Variants in GNA12 observed in about 807,000 individuals in gnomAD.
GNA12 encodes guanine nucleotide-binding protein subunit alpha-12.
Under a neutral mutation model 26.0 loss-of-function variants are expected in GNA12, and 9 were observed. The observed-to-expected ratio is 0.35, with a 90% CI of 0.21 to 0.60. The LOEUF (loss-of-function observed/expected upper bound fraction) is 0.60. Ranked by LOEUF, GNA12 falls within the 20% of genes least tolerant of loss-of-function variation. The pLI is 0.78. For missense variants in GNA12, 405 were observed against 525.8 expected, an observed-to-expected ratio of 0.77 and a Z score of 2.25; for synonymous variants, 264 against 219.6, an observed-to-expected ratio of 1.20 and a Z score of -1.79.
Position 2,843,993 on chromosome 7 carries a change from G to C in GNA12, c.169C>G (p.Leu57Val). The C allele has an allele frequency of 6.4e-7, 1 of 1,556,858 alleles. No individual in the cohort carries two copies. Among genetic ancestry groups the C allele is most frequent in the Middle Eastern group, 2.2e-4 (1 of 4,526 alleles). Residue 57 changes from leucine (L) to valine (V), a missense_variant, in exon 1 of 4, where the codon CTG becomes GTG. Physicochemically the swap from Leu to Val is conservative, Grantham distance 32. Coordinates refer to ENST00000275364, the MANE Select transcript of GNA12 (RefSeq NM_007353.3). ...LARERRAVRR[L>V]VKILLLGAGE... ...GCGCCCAGCAGCAGGATCTTCACCAGGCGCCGGACCGCGCGCCGCTCGCGG... is the reference window on the plus strand; with the variant it reads ...GCGCCCAGCAGCAGGATCTTCACCACGCGCCGGACCGCGCGCCGCTCGCGG...
intron 1 of GNA12, among the ~76,000 whole-genome samples, chr7:2,817,059 C>A (rs761408151): frequency 1.7e-4 from 26 of 152,208 alleles, no homozygotes; most frequent in Non-Finnish European, 1.9e-4. Context: ...GTCAGTTCAA[C>A]TCTCTACTTA....
intron 1 of GNA12, among the ~76,000 whole-genome samples, chr7:2,818,037 G>C (rs1015113763): frequency 6.6e-6 from 1 of 152,202 alleles, no homozygotes; most frequent in Non-Finnish European, 1.5e-5. Context: ...AATGTTTCAA[G>C]TGGGACTGTA....
chr7:2,812,247 A>G (rs1165516173), intron 1 of GNA12, among the ~76,000 whole-genome samples: 1 of 152,248 alleles, frequency 6.6e-6, no homozygotes, highest in Admixed American at 6.5e-5. Flanking sequence ...ATTATGGTAA[A>G]TAACTCAATG....
At chr7:2,821,625 G>C (rs1171984229) in intron 1 of GNA12, among the ~76,000 whole-genome samples, 1 of 152,160 alleles carries the variant, frequency 6.6e-6, no homozygotes, top group Non-Finnish European at 1.5e-5. Context: ...AGAAACTCCT[G>C]CAGTTATTCT....
chr7:2,785,549 C>T (rs1730965700), intron 2 of GNA12, among the ~76,000 whole-genome samples: 2 of 152,204 alleles, frequency 1.3e-5, no homozygotes, highest in South Asian at 4.1e-4. Flanking sequence ...TGAAATAACT[C>T]TATTTTCTCT....
At chr7:2,746,734 G>T (rs1362074568) in intron 2 of GNA12, among the ~76,000 whole-genome samples, 19 of 152,064 alleles carry the variant, frequency 1.2e-4, no homozygotes, top group African/African-American at 4.6e-4. Flanking sequence ...CCAGGAGCTG[G>T]TTTTTTGAAA....
rs1265709948 is a variant in GNA12, at chr7:2,844,136, C to A, written c.26G>T (p.Ser9Ile). ...GGCCTCGGCCGGCAGCAGGCAGCGG[C>A]TGAGGGTCCGCACCACCCCGGACAT... MSGVVRTLSRCLLPAEAGG... is the reference protein window; with the variant it reads MSGVVRTLIRCLLPAEAGG... The change falls in exon 1 of 4, where the codon AGC (serine) becomes ATC (isoleucine). Residue 9 changes from serine to isoleucine, a missense_variant. Ser to Ile is a moderately radical substitution (Grantham distance 142). Transcript: ENST00000275364. 33 of 986,876 alleles carry A rather than the reference C, an allele frequency of 3.3e-5. No individual in the cohort carries two copies. Among genetic ancestry groups the A allele is most frequent in the Non-Finnish European group, 4.0e-5 (33 of 832,792 alleles). The allele number at this position is 986,876 out of a possible 1,614,324, so 61.1% of individuals were successfully genotyped here. A position where few individuals can be genotyped will look rare whatever the true frequency, so the allele number is the denominator to read the frequency against.
At chr7:2,831,951 C>G (rs1392627405) in intron 1 of GNA12, among the ~76,000 whole-genome samples, 1 of 152,196 alleles carries the variant, frequency 6.6e-6, no homozygotes, top group Non-Finnish European at 1.5e-5. Context: ...GCCTGGAATA[C>G]TGTGTATCTT....
intron 2 of GNA12, among the ~76,000 whole-genome samples, chr7:2,783,644 T>C (rs569828039): frequency 8.1e-5 from 12 of 148,080 alleles, no homozygotes; most frequent in African/African-American, 1.3e-4. Context: ...TTAGAGGCTG[T>C]AACACATTTA....
intron 2 of GNA12, among the ~76,000 whole-genome samples, chr7:2,780,051 C>CATACATATATATAT (rs1554259630): frequency 9.6e-5 from 6 of 62,206 alleles, no homozygotes; most frequent in African/African-American, 3.4e-4. Context: ...TTTCTGTGTA[C>CATACATATATATAT]ATATATATAT....
At chr7:2,741,496 C>T (rs1231385171) in intron 2 of GNA12, among the ~76,000 whole-genome samples, 2 of 152,188 alleles carry the variant, frequency 1.3e-5, no homozygotes, top group Admixed American at 6.6e-5. Context: ...TGTTAGCTTT[C>T]TACTTTTTGG....
At chr7:2,814,224 ATGTATCCTGT>A (rs1316363330) in intron 1 of GNA12, 2 of 769,490 alleles carry the variant, frequency 2.6e-6, no homozygotes, top group Non-Finnish European at 4.7e-6. Context: ...TTATACATCT[ATGTATCCTGT>A]TGGCTGTGCT....
In GNA12 at chr7:2,752,009, G is replaced by T. The variant is rs145313050; in HGVS notation, c.526-18508C>A. Reference sequence around the variant, plus strand: ...ATTTCCAACTCCTTTTATGAGGCCAGCATCATCCTGGTACCCACACCGACA... The same window carrying T: ...ATTTCCAACTCCTTTTATGAGGCCATCATCATCCTGGTACCCACACCGACA... On this transcript the variant is annotated intron_variant, in intron 2 of 3. Coordinates refer to ENST00000275364, the MANE Select transcript of GNA12 (RefSeq NM_007353.3). 1.5e-4 allele frequency among the ~76,000 whole-genome samples: 23 copies of T among 152,212 alleles called. No homozygotes were observed. In the East Asian group the frequency reaches 3.9e-3, roughly 26 times the overall value.
At chr7:2,807,620 G>C (rs766974983) in intron 1 of GNA12, among the ~76,000 whole-genome samples, 14 of 151,640 alleles carry the variant, frequency 9.2e-5, no homozygotes, top group Non-Finnish European at 1.6e-4. Flanking sequence ...TAACACAGCA[G>C]CTTGCTCACT....
intron 2 of GNA12, among the ~76,000 whole-genome samples, chr7:2,759,017 G>A (rs1192199129): frequency 6.6e-6 from 1 of 151,926 alleles, no homozygotes; most frequent in East Asian, 1.9e-4. Context: ...GTGGGCGCCT[G>A]TAATCCCAGC....
chr7:2,746,791 AAG>A (rs1443114828), intron 2 of GNA12, among the ~76,000 whole-genome samples: 1 of 152,230 alleles, frequency 6.6e-6, no homozygotes, highest in African/African-American at 2.4e-5. Flanking sequence ...TAAAGAAGAA[AAG>A]AGAGAAGAAT....
chr7:2,741,961 T>C (rs1790528662), intron 2 of GNA12, among the ~76,000 whole-genome samples: 1 of 151,916 alleles, frequency 6.6e-6, no homozygotes. Context: ...ATTTAGTATA[T>C]TACTTACATG....
intron 2 of GNA12, among the ~76,000 whole-genome samples, chr7:2,779,230 C>T (rs955256846): frequency 6.6e-6 from 1 of 151,958 alleles, no homozygotes; most frequent in African/African-American, 2.4e-5. Context: ...TGCCTGTAGT[C>T]CCCCAGCTAC....
intron 1 of GNA12, among the ~76,000 whole-genome samples, chr7:2,817,278 G>A (rs1234329616): frequency 6.6e-6 from 1 of 152,140 alleles, no homozygotes; most frequent in African/African-American, 2.4e-5. Context: ...CTCATTTTTT[G>A]TATTTTTAGT....
Sources: allele counts gnomAD v4.1 joint callset (sites outside exome capture counted in the v4.1 genomes callset), GRCh38; gene constraint gnomAD v4.1.1; transcripts MANE v1.5; gene names NCBI Gene and HGNC (gene_info 2026-07-23, HGNC 2026-07-21).